The following RTL1 variants were observed in gnomAD, a reference collection of about 807,000 sequenced individuals.
RTL1 encodes the protein retrotransposon-like protein 1.
For synonymous variants in RTL1, 727 were observed against 748.4 expected (o/e 0.97, Z 0.47); for missense variants, 1,681 against 1,767.5 (o/e 0.95, Z 0.88).
chr14:100,881,275 G>C lies in RTL1; in HGVS notation c.3514C>G (p.Arg1172Gly). 1.9e-6 allele frequency: 3 copies of C among 1,550,318 alleles called. No homozygotes were observed. Among genetic ancestry groups the C allele is most frequent in the Non-Finnish European group, 1.7e-6 (2 of 1,146,868 alleles). ...GAGTGCAGAGCATTTCGCTGCCAGC[G>C]GCCAGGGCCCAGGAACAGCTCAGCC... ...ELAELFLGPG[R>G]WQRNALHSQA... Residue 1172 changes from arginine (R) to glycine (G), a missense_variant, in exon 4 of 4, where the codon CGC (arginine) becomes GGC (glycine). Coordinates refer to ENST00000649591, the MANE Select transcript of RTL1 (RefSeq NM_001134888.3). This position sits in a 1 kb window ranked among gnomAD's most constrained non-coding sequence, Gnocchi z 6.6.
rs962004646 is a variant in RTL1 at position 100,899,883 on chromosome 14, C to T, written c.-149+3408G>A. ...GAAATGCTTAACCCCCTCCCTGAGA[C>T]GGGCAGCTGCTCCCTTTCAGGGCAG... On this transcript the variant is annotated intron_variant, in intron 2 of 3. Coordinates refer to ENST00000649591, the MANE Select transcript of RTL1 (RefSeq NM_001134888.3). Among the ~76,000 whole-genome samples, 18 of 152,186 alleles carry T rather than the reference C, an allele frequency of 1.2e-4. 1 individual carries two copies. The highest frequency in any genetic ancestry group is 2.6e-4 in the Admixed American group (4 of 15,284).
At chr14:100,885,888 C>T (rs531038856) in intron 3 of RTL1, among the ~76,000 whole-genome samples, 46 of 152,266 alleles carry the variant, frequency 3.0e-4, no homozygotes, top group Admixed American at 3.9e-4. Context: ...CTTTTTCTCT[C>T]TGTTGCTGGT....
chr14:100,880,660 G>T lies in RTL1; in HGVS notation c.*52C>A. 1 of 1,548,234 alleles carries T rather than the reference G, an allele frequency of 6.5e-7. No individual in the cohort carries two copies. Among genetic ancestry groups the T allele is most frequent in the Non-Finnish European group, 8.7e-7 (1 of 1,146,146 alleles). On this transcript the variant is annotated 3_prime_UTR_variant, in exon 4 of 4. Transcript: ENST00000649591. ...CGGGGAGGCCAGGGGACGTCGGGAG[G>T]TGTTGGGGTGAGAAATAGAGGGGAC...
chr14:100,880,863 A>G lies in RTL1; in HGVS notation c.3926T>C (p.Leu1309Pro), dbSNP rs746474367. 6.5e-7 allele frequency: 1 copy of G among 1,542,046 alleles called. No individual in the cohort carries two copies. Among genetic ancestry groups the G allele is most frequent in the South Asian group, 1.2e-5 (1 of 83,764 alleles). The change falls in exon 4 of 4, where the codon CTC becomes CCC. Residue 1309 changes from leucine to proline, a missense_variant. By Grantham distance (98) the Leu-to-Pro change is moderately conservative (BLOSUM62 -3). Transcript: ENST00000649591. ...IHSADGQLHL[L>P]SREQAARALS... ...GGCCCTGGCTGCCTGCTCCCGGCTG[A>G]GCAGGTGCAGCTGGCCATCTGCACT...
chr14:100,894,500 G>T (rs1179325904), intron 2 of RTL1, among the ~76,000 whole-genome samples: 1 of 152,110 alleles, frequency 6.6e-6, no homozygotes, highest in Non-Finnish European at 1.5e-5. Flanking sequence ...TCCGCCCTGG[G>T]TCCCCATACA....
intron 2 of RTL1, among the ~76,000 whole-genome samples, chr14:100,898,424 G>A (rs1421773970): frequency 6.6e-6 from 1 of 152,224 alleles, no homozygotes; most frequent in Non-Finnish European, 1.5e-5. Context: ...GAGATGGGGT[G>A]GTGGGTTAAA....
At position 100,883,414 on chromosome 14, in the gene RTL1, C is replaced by A; in HGVS notation, c.1375G>T (p.Val459Phe). The change falls in exon 4 of 4, where the codon GTC (valine) becomes TTC (phenylalanine). Residue 459 changes from valine (V) to phenylalanine (F), a missense_variant. By Grantham distance (50) the Val-to-Phe change is conservative. Coordinates refer to ENST00000649591, the MANE Select transcript of RTL1 (RefSeq NM_001134888.3). The surrounding 1 kb of genome is among the most constrained non-coding windows in gnomAD (Gnocchi z 5.9). ...ATCAGCGAGCCGTCCACGGATTGGA[C>A]CGGCTGTGGGTACGGCTTCTCGTAG... ...ELYEKPYPQP[V>F]QSVDGSLIGN... 6.5e-7 allele frequency: 1 copy of A among 1,550,324 alleles called. No homozygotes were observed. The highest frequency in any genetic ancestry group is 8.7e-7 in the Non-Finnish European group (1 of 1,146,076).
At chr14:100,887,915 G>T (rs1320408955) in intron 3 of RTL1, among the ~76,000 whole-genome samples, 1 of 150,520 alleles carries the variant, frequency 6.6e-6, no homozygotes, top group Non-Finnish European at 1.5e-5. Flanking sequence ...TAAATGACCC[G>T]TCTCCTCAGC....
chr14:100,888,261 G>C (rs188170061), intron 3 of RTL1, among the ~76,000 whole-genome samples: 33 of 152,176 alleles, frequency 2.2e-4, no homozygotes, highest in Non-Finnish European at 3.1e-4. Context: ...TTATCATAGA[G>C]ATCCTGTCTT....
At position 100,883,928 on chromosome 14, in the gene RTL1, T is replaced by G. The variant is rs1313033211; in HGVS notation, c.861A>C (p.Ala287=). ...VFEYRQALRV[A]EEAMFTIRQG... is the part of the protein sequence containing the mutation. Reference sequence around the variant, plus strand: ...GCCTGATGGTGAACATGGCCTCTTCTGCCACACGCAGTGCCTGGCGGTACT... The same window carrying G: ...GCCTGATGGTGAACATGGCCTCTTCGGCCACACGCAGTGCCTGGCGGTACT... The change falls in exon 4 of 4, where the codon GCA becomes GCC. Residue 287 remains alanine, a synonymous_variant. Coordinates refer to ENST00000649591, the MANE Select transcript of RTL1 (RefSeq NM_001134888.3). This position sits in a 1 kb window ranked among gnomAD's most constrained non-coding sequence, Gnocchi z 5.9. 2.6e-6 allele frequency: 4 copies of G among 1,551,664 alleles called. No individual in the cohort carries two copies. The highest frequency in any genetic ancestry group is 2.6e-6 in the Non-Finnish European group (3 of 1,146,998).
At chr14:100,898,795 C>T (rs947488266) in intron 2 of RTL1, among the ~76,000 whole-genome samples, 8 of 152,244 alleles carry the variant, frequency 5.3e-5, no homozygotes, top group African/African-American at 1.9e-4. Context: ...GTTAGATGGG[C>T]CCCACGAAAC....
At chr14:100,885,550 TATAAC>T (rs1375457800) in intron 3 of RTL1, among the ~76,000 whole-genome samples, 1 of 151,786 alleles carries the variant, frequency 6.6e-6, no homozygotes, top group Non-Finnish European at 1.5e-5. Context: ...CCATAAATTT[TATAAC>T]ATACCTACTA....
chr14:100,902,806 G>A lies in RTL1; in HGVS notation c.-149+485C>T, dbSNP rs898960311. Reference sequence around the variant, plus strand: ...GAAGTGAGGACTAAATGAGATAAGTGTAGGCTTGCACACATCAGACACTTC... The same window carrying A: ...GAAGTGAGGACTAAATGAGATAAGTATAGGCTTGCACACATCAGACACTTC... On this transcript the variant is annotated intron_variant, in intron 2 of 3. Transcript: ENST00000649591. 2.0e-5 allele frequency among the ~76,000 whole-genome samples: 3 copies of A among 152,234 alleles called. No individual in the cohort carries two copies. In the East Asian group the frequency reaches 5.8e-4, roughly 29 times the overall value.
chr14:100,890,065 G>T (rs1444786485), intron 3 of RTL1, among the ~76,000 whole-genome samples: 3 of 100,454 alleles, frequency 3.0e-5, no homozygotes, highest in African/African-American at 7.3e-5. Flanking sequence ...GAAAATTCCC[G>T]CCTTATTTGA....
chr14:100,897,433 A>G (rs765078367), intron 2 of RTL1, among the ~76,000 whole-genome samples: 26 of 151,788 alleles, frequency 1.7e-4, no homozygotes, highest in Non-Finnish European at 2.8e-4. Flanking sequence ...ATCCCTCCCC[A>G]TCACCCCCCA....
Position 100,893,713 on chromosome 14 carries a change from G to A in RTL1, c.-148-208C>T, listed in dbSNP as rs1057189503. Among the ~76,000 whole-genome samples the A allele has an allele frequency of 1.3e-5, 2 of 152,138 alleles. No homozygotes were observed. Among genetic ancestry groups the A allele is most frequent in the African/African-American group, 4.8e-5 (2 of 41,448 alleles). On this transcript the variant is annotated intron_variant, in intron 2 of 3. Coordinates refer to ENST00000649591, the MANE Select transcript of RTL1 (RefSeq NM_001134888.3). The surrounding 1 kb of genome is among the most constrained non-coding windows in gnomAD (Gnocchi z 4.2). Reference sequence around the variant, plus strand: ...CCTGAGTGCTTACTATGCGCCAAGCGCTGCTTTCACCATTTTACAGGTTTT... The same window carrying A: ...CCTGAGTGCTTACTATGCGCCAAGCACTGCTTTCACCATTTTACAGGTTTT...
In RTL1 at chr14:100,883,848, A is replaced by T. The variant is rs1203122925; in HGVS notation, c.941T>A (p.Ile314Asn). The T allele has an allele frequency of 3.2e-6, 5 of 1,551,498 alleles. No individual in the cohort carries two copies. In the South Asian group the frequency reaches 5.9e-5, roughly 18 times the overall value. Reference protein sequence around the residue: ...YIDEFQSLVPILGWPDEVLQA... With the variant: ...YIDEFQSLVPNLGWPDEVLQA... ...CAGGACTTCATCTGGCCAGCCCAAG[A>T]TGGGTACCAGGCTCTGGAACTCATC... The change falls in exon 4 of 4, where the codon ATC (isoleucine) becomes AAC (asparagine). Residue 314 changes from isoleucine to asparagine, a missense_variant. Ile to Asn is a moderately radical substitution (Grantham distance 149). Coordinates refer to ENST00000649591, the MANE Select transcript of RTL1 (RefSeq NM_001134888.3). The surrounding 1 kb of genome is among the most constrained non-coding windows in gnomAD (Gnocchi z 5.9).
At position 100,883,960 on chromosome 14, in the gene RTL1, C is replaced by T; in HGVS notation, c.829G>A (p.Val277Met). The T allele has an allele frequency of 6.4e-7, 1 of 1,551,684 alleles. No individual in the cohort carries two copies. The highest frequency in any genetic ancestry group is 8.7e-7 in the Non-Finnish European group (1 of 1,146,996). ...CGCAGTGCCTGGCGGTACTCAAACA[C>T]TTCGGACATGGCCTCCAGGAAGGCT... ...FPAFLEAMSE[V>M]FEYRQALRVA... The change falls in exon 4 of 4, where the codon GTG (valine) becomes ATG (methionine). Residue 277 changes from valine (V) to methionine (M), a missense_variant. By Grantham distance (21) the Val-to-Met change is conservative. Transcript: ENST00000649591. The surrounding 1 kb of genome is among the most constrained non-coding windows in gnomAD (Gnocchi z 5.9).
chr14:100,891,982 A>G (rs1258759896), intron 3 of RTL1, among the ~76,000 whole-genome samples: 1 of 152,126 alleles, frequency 6.6e-6, no homozygotes, highest in Admixed American at 6.5e-5. Flanking sequence ...GAGCTCAGGG[A>G]CACCCATTGC....
Sources: allele counts gnomAD v4.1 joint callset (sites outside exome capture counted in the v4.1 genomes callset), GRCh38; gene constraint gnomAD v4.1.1; non-coding constraint Gnocchi (gnomAD v3.1); transcripts MANE v1.5; gene names NCBI Gene and HGNC (gene_info 2026-07-23, HGNC 2026-07-21).